DLGAP1: variants seen among roughly 807,000 people sequenced by gnomAD.
The protein encoded by DLGAP1 is disks large-associated protein 1.
A neutral mutation model predicts 90.8 loss-of-function variants in DLGAP1; 11 were observed. The ratio of observed to expected loss-of-function variants is 0.12; its 90% CI spans 0.08 to 0.20. DLGAP1 has a LOEUF of 0.20. Ranked by LOEUF, DLGAP1 falls within the 10% of genes least tolerant of loss-of-function variation. The pLI is 1.00. For missense variants in DLGAP1, 1,050 were observed against 1,333.8 expected (o/e 0.79, Z 3.31); for synonymous variants, 558 against 540.7 (o/e 1.03, Z -0.44).
At chr18:4,074,807 C>A (rs2075499923) in intron 2 of DLGAP1, among the ~76,000 whole-genome samples, 1 of 151,994 alleles carries the variant, frequency 6.6e-6, no homozygotes, top group Admixed American at 6.6e-5. Flanking sequence ...CTTTCTTGTC[C>A]CAAAAATGTA....
At chr18:4,166,358 T>C (rs1212080296) in intron 1 of DLGAP1, among the ~76,000 whole-genome samples, 1 of 151,808 alleles carries the variant, frequency 6.6e-6, no homozygotes, top group Non-Finnish European at 1.5e-5. Context: ...TGTTATAAAA[T>C]ATATATATAT....
intron 3 of DLGAP1, among the ~76,000 whole-genome samples, chr18:3,893,515 G>C (rs2071533142): frequency 6.6e-6 from 1 of 151,760 alleles, no homozygotes; most frequent in African/African-American, 2.4e-5. Context: ...GGAGGTGGAG[G>C]TTGCAGTGAG....
At chr18:4,339,165 G>C (rs1212305276) in intron 1 of DLGAP1, among the ~76,000 whole-genome samples, 1 of 152,154 alleles carries the variant, frequency 6.6e-6, no homozygotes, top group African/African-American at 2.4e-5. Context: ...GTTAAGTCAG[G>C]ACCAAGTTTT....
intron 1 of DLGAP1, among the ~76,000 whole-genome samples, chr18:4,212,184 C>T (rs1000584301): frequency 2.6e-5 from 4 of 152,082 alleles, no homozygotes; most frequent in Admixed American, 2.0e-4. Context: ...CAATGCATAG[C>T]ACTGACAGGC....
intron 1 of DLGAP1, among the ~76,000 whole-genome samples, chr18:4,432,033 T>A (rs2083294242): frequency 6.6e-6 from 1 of 152,266 alleles, no homozygotes; most frequent in Admixed American, 6.5e-5. Flanking sequence ...TCCGTTTTTT[T>A]ATTCCAGTCT....
intron 1 of DLGAP1, among the ~76,000 whole-genome samples, chr18:4,410,276 AC>A (rs1486961329): frequency 2.0e-5 from 3 of 152,320 alleles, no homozygotes; most frequent in African/African-American, 7.2e-5. Context: ...GTAACCAAGT[AC>A]CACATGTACC....
intron 2 of DLGAP1, among the ~76,000 whole-genome samples, chr18:4,022,426 A>AC (rs1390815163): frequency 3.3e-5 from 4 of 119,410 alleles, no homozygotes; most frequent in Non-Finnish European, 5.5e-5. Flanking sequence ...CACACACACC[A>AC]CACACACACA....
chr18:4,326,581 G>A (rs999940028), intron 1 of DLGAP1, among the ~76,000 whole-genome samples: 8 of 152,028 alleles, frequency 5.3e-5, no homozygotes, highest in Non-Finnish European at 2.9e-5. Context: ...GCAAAGGCAC[G>A]GAATCAAACT....
chr18:4,263,212 G>A (rs1344090690), intron 1 of DLGAP1, among the ~76,000 whole-genome samples: 3 of 152,174 alleles, frequency 2.0e-5, no homozygotes, highest in Admixed American at 6.5e-5. Context: ...GATTACAGGT[G>A]TGAGGCACCG....
At chr18:4,119,733 G>C (rs1396446071) in intron 2 of DLGAP1, among the ~76,000 whole-genome samples, 1 of 152,168 alleles carries the variant, frequency 6.6e-6, no homozygotes, top group East Asian at 1.9e-4. Flanking sequence ...GTCTGGAGTA[G>C]GAGCTTATCT....
intron 11 of DLGAP1, among the ~76,000 whole-genome samples, chr18:3,504,830 C>T (rs2050130764): frequency 1.3e-5 from 2 of 152,212 alleles, no homozygotes; most frequent in South Asian, 4.1e-4. Flanking sequence ...ATCAGTGAGT[C>T]ATGTGACATA....
At chr18:3,580,105 C>A in intron 8 of DLGAP1, 1 of 912,726 alleles carries the variant, frequency 1.1e-6, no homozygotes, top group South Asian at 1.4e-5. Context: ...CAGCTTGAGT[C>A]ACACATTCAA....
intron 1 of DLGAP1, among the ~76,000 whole-genome samples, chr18:4,174,424 C>T (rs1457788886): frequency 6.6e-6 from 1 of 151,472 alleles, no homozygotes; most frequent in South Asian, 2.1e-4. Flanking sequence ...AACCTCCGCC[C>T]CCCGGGTTCA....
rs891724459 is a variant in DLGAP1, at chr18:3,639,902, C to T, written c.1592-57654G>A. ...TCGGAGCAGCTGGGACTACAGGCGC[C>T]CGCCACCACACCCGGCTAATTTTTT... On this transcript the variant is annotated intron_variant, in intron 7 of 12. Transcript: ENST00000315677. Among the ~76,000 whole-genome samples, 7 of 145,178 alleles carry T rather than the reference C, an allele frequency of 4.8e-5. 1 individual carries two copies. The South Asian group carries it at 8.6e-4, about 18-fold the overall frequency.
At chr18:3,610,812 C>T (rs750106791) in intron 7 of DLGAP1, among the ~76,000 whole-genome samples, 2 of 151,478 alleles carry the variant, frequency 1.3e-5, no homozygotes, top group Non-Finnish European at 2.9e-5. Flanking sequence ...GCACTCCAGC[C>T]TGGGTGACAG....
chr18:3,731,989 T>C (rs2062450985), intron 6 of DLGAP1, among the ~76,000 whole-genome samples: 1 of 152,222 alleles, frequency 6.6e-6, no homozygotes, highest in South Asian at 2.1e-4. Context: ...CTTTATGTTT[T>C]ATTTCACCCA....
intron 3 of DLGAP1, among the ~76,000 whole-genome samples, chr18:3,935,810 A>G (rs886706384): frequency 3.9e-5 from 6 of 152,208 alleles, no homozygotes; most frequent in Non-Finnish European, 7.3e-5. Flanking sequence ...GCTAGTGTTG[A>G]GAATACAGGT....
intron 7 of DLGAP1, among the ~76,000 whole-genome samples, chr18:3,629,788 C>T (rs761056498): frequency 6.6e-5 from 10 of 151,994 alleles, no homozygotes; most frequent in Non-Finnish European, 1.3e-4. Flanking sequence ...ATTTTGGATT[C>T]CTAATGAGAT....
chr18:3,833,527 A>T (rs1050498242), intron 4 of DLGAP1, among the ~76,000 whole-genome samples: 2 of 152,026 alleles, frequency 1.3e-5, no homozygotes. Flanking sequence ...GAGCCACCGC[A>T]TCTGGACTGT....
Sources: allele counts gnomAD v4.1 joint callset (sites outside exome capture counted in the v4.1 genomes callset), GRCh38; gene constraint gnomAD v4.1.1; transcripts MANE v1.5; gene names NCBI Gene and HGNC (gene_info 2026-07-23, HGNC 2026-07-21).